Variants in MAP3K20 observed in about 807,000 individuals in gnomAD.
MAP3K20 encodes the protein mitogen-activated protein kinase kinase kinase 20.
Under a neutral mutation model 85.7 loss-of-function variants are expected in MAP3K20, and 40 were observed. The ratio of observed to expected loss-of-function variants is 0.47; its 90% CI spans 0.36 to 0.61. The LOEUF (loss-of-function observed/expected upper bound fraction) is 0.61, where lower values mean the gene tolerates loss of function less well. Ranked by LOEUF, MAP3K20 falls within the 20% of genes least tolerant of loss-of-function variation. The probability of loss-of-function intolerance (pLI) is 0.00; values close to 1 mark genes in which losing one functional copy is unlikely to be tolerated. For missense variants in MAP3K20, 817 were observed against 961.7 expected (o/e 0.85, Z 1.99); for synonymous variants, 325 against 327.7 (o/e 0.99, Z 0.09).
chr2:173,238,411 G>C lies in MAP3K20; in HGVS notation c.1242G>C (p.Leu414Phe). 6.2e-7 allele frequency: 1 copy of C among 1,612,592 alleles called. No individual in the cohort carries two copies. The highest frequency in any genetic ancestry group is 8.5e-7 in the Non-Finnish European group (1 of 1,179,436). Residue 414 changes from leucine (L) to phenylalanine (F), a missense_variant, in exon 15 of 20, where the codon TTG becomes TTC. This residue lies in a region of MAP3K20 where 454 missense variants were observed against 476.9 expected (regional missense o/e 0.95). Transcript: ENST00000375213. ...IEKLTHDYIN[L>F]FHFPPLIKDS... ...AATTAACCCATGATTACATAAATTT[G>C]TTTCACTTCCCACCACTAATTAAGG...
At chr2:173,230,514 C>T (rs183591912) in intron 12 of MAP3K20, among the ~76,000 whole-genome samples, 22 of 152,278 alleles carry the variant, frequency 1.4e-4, no homozygotes, top group African/African-American at 5.3e-4. Context: ...CAAGCACGCC[C>T]AGACATTCTC....
At chr2:173,120,610 C>A (rs1218042428) in intron 2 of MAP3K20, among the ~76,000 whole-genome samples, 1 of 150,964 alleles carries the variant, frequency 6.6e-6, no homozygotes, top group African/African-American at 2.4e-5. Flanking sequence ...GGACTAAGAT[C>A]TCCAAACTAA....
intron 2 of MAP3K20, among the ~76,000 whole-genome samples, chr2:173,127,135 AGACCACC>A (rs1688467787): frequency 6.6e-6 from 1 of 152,224 alleles, no homozygotes; most frequent in African/African-American, 2.4e-5. Flanking sequence ...CCATTGAAGG[AGACCACC>A]CAGTGACCAT....
At chr2:173,257,727 A>G (rs1685192578) in intron 16 of MAP3K20, among the ~76,000 whole-genome samples, 1 of 152,198 alleles carries the variant, frequency 6.6e-6, no homozygotes, top group African/African-American at 2.4e-5. Context: ...ATAAATTACC[A>G]AAATTTTTCT....
intron 2 of MAP3K20, among the ~76,000 whole-genome samples, chr2:173,113,968 C>T (rs1688047809): frequency 6.6e-6 from 1 of 151,890 alleles, no homozygotes; most frequent in Non-Finnish European, 1.5e-5. Flanking sequence ...GATGACCTGT[C>T]TAGTGCTGTC....
At chr2:173,255,470 C>T (rs947189492) in intron 16 of MAP3K20, among the ~76,000 whole-genome samples, 3 of 152,162 alleles carry the variant, frequency 2.0e-5, no homozygotes, top group African/African-American at 4.8e-5. Context: ...TTTTCTCATT[C>T]GTCTAAAGGG....
chr2:173,186,349 T>G (rs1690484798), intron 4 of MAP3K20, among the ~76,000 whole-genome samples: 1 of 152,096 alleles, frequency 6.6e-6, no homozygotes, highest in African/African-American at 2.4e-5. Flanking sequence ...ACTATTGAAT[T>G]TTTGCAGTTT....
rs949522618 is a variant in MAP3K20, at chr2:173,100,800, A to G, written c.159+9610A>G. 5.9e-5 allele frequency among the ~76,000 whole-genome samples: 9 copies of G among 152,358 alleles called. No homozygotes were observed. The South Asian group carries it at 8.3e-4, about 14-fold the overall frequency. On this transcript the variant is annotated intron_variant, in intron 2 of 19. Transcript: ENST00000375213. ...AGTGCTTTAACATTGTGCTACGTATATAAATCATCATTTTGAATTGGAGAG... is the reference window on the plus strand; with the variant it reads ...AGTGCTTTAACATTGTGCTACGTATGTAAATCATCATTTTGAATTGGAGAG...
At chr2:173,237,171 C>A (rs901856239) in intron 14 of MAP3K20, among the ~76,000 whole-genome samples, 1 of 151,874 alleles carries the variant, frequency 6.6e-6, no homozygotes, top group East Asian at 1.9e-4. Context: ...GAATTATAGG[C>A]GCAGGCTACA....
At chr2:173,226,520 TA>T (rs1165446812) in intron 11 of MAP3K20, 10 of 985,718 alleles carry the variant, frequency 1.0e-5, no homozygotes, top group Non-Finnish European at 1.2e-5. Flanking sequence ...CTCTCGATTG[TA>T]GCATAGCCTG....
intron 3 of MAP3K20, among the ~76,000 whole-genome samples, chr2:173,172,788 ATCTTT>A (rs1183470129): frequency 5.5e-4 from 84 of 151,872 alleles, no homozygotes; most frequent in African/African-American, 1.9e-3. Flanking sequence ...ATAATGGATC[ATCTTT>A]TCTTTTCTTT....
intron 11 of MAP3K20, chr2:173,225,727 CA>C (rs1382604663): frequency 1.0e-6 from 1 of 984,442 alleles, no homozygotes. Context: ...CAAGTCAAAA[CA>C]AAATGTATTT....
chr2:173,244,336 A>G (rs973489049), intron 16 of MAP3K20, among the ~76,000 whole-genome samples: 1 of 152,216 alleles, frequency 6.6e-6, no homozygotes, highest in African/African-American at 2.4e-5. Context: ...GGGCTTGAAG[A>G]GGTTGGTGGG....
At chr2:173,262,258 T>C (rs1360698001) in intron 18 of MAP3K20, among the ~76,000 whole-genome samples, 1 of 152,090 alleles carries the variant, frequency 6.6e-6, no homozygotes, top group East Asian at 1.9e-4. Flanking sequence ...GAGTGTGGCA[T>C]TTTGATGGTT....
At position 173,258,695 on chromosome 2, in the gene MAP3K20, C is replaced by T. The variant is rs1320679457; in HGVS notation, c.1360-4C>T. 2 of 1,565,324 alleles carry T rather than the reference C, an allele frequency of 1.3e-6. No individual in the cohort carries two copies. The highest frequency in any genetic ancestry group is 1.8e-5 in the Admixed American group (1 of 57,090). ...AAATTCTGTAATTTTGTTTTTAATT[C>T]CAGGATTGTAAGTGGAAAATGTATA... On this transcript the variant is annotated splice_region_variant and splice_polypyrimidine_tract_variant and intron_variant, in intron 16 of 19. Transcript: ENST00000375213.
chr2:173,175,367 A>G (rs779273094), intron 3 of MAP3K20, among the ~76,000 whole-genome samples: 1 of 152,168 alleles, frequency 6.6e-6, no homozygotes, highest in Non-Finnish European at 1.5e-5. Context: ...ATTTATCTTA[A>G]GAACTGTGTC....
At chr2:173,257,457 T>G (rs1685186983) in intron 16 of MAP3K20, among the ~76,000 whole-genome samples, 1 of 152,232 alleles carries the variant, frequency 6.6e-6, no homozygotes, top group Non-Finnish European at 1.5e-5. Context: ...TCACTCACTA[T>G]AATGTTTTTG....
At chr2:173,210,959 A>T (rs1177819918) in intron 10 of MAP3K20, 2 of 152,196 alleles carry the variant, frequency 1.3e-5, no homozygotes, top group Non-Finnish European at 2.9e-5. Flanking sequence ...TTATTTAGGG[A>T]TACAAAAATT....
intron 2 of MAP3K20, among the ~76,000 whole-genome samples, chr2:173,167,892 A>C (rs1469039940): frequency 6.6e-6 from 1 of 152,168 alleles, no homozygotes; most frequent in East Asian, 1.9e-4. Context: ...GCCCCAAAGA[A>C]TATTCCGAAG....
Sources: gnomAD v4.1 joint callset for allele counts (sites outside exome capture counted in the v4.1 genomes callset) on GRCh38, gnomAD v4.1.1 for gene constraint, gnomAD v4.1.1 regional missense constraint, MANE v1.5 for transcripts, NCBI Gene and HGNC (gene_info 2026-07-23, HGNC 2026-07-21) for gene names.